The following CNTN3 variants were observed in gnomAD, a reference collection of about 807,000 sequenced individuals.
CNTN3 encodes contactin 3, also known as contactin-3.
A neutral mutation model predicts 119.1 loss-of-function variants in CNTN3; 60 were observed. That is an observed-to-expected ratio of 0.50 (90% CI 0.41 to 0.62). The LOEUF (loss-of-function observed/expected upper bound fraction) is 0.62. Ranked by LOEUF, CNTN3 falls within the 20% of genes least tolerant of loss-of-function variation. CNTN3 has a pLI of 0.00. For synonymous variants in CNTN3, 450 were observed against 438.7 expected (o/e 1.03, Z -0.32); for missense variants, 1,101 against 1,242.4 (o/e 0.89, Z 1.71).
chr3:74,496,729 G>A (rs9876789), intron 3 of CNTN3, among the ~76,000 whole-genome samples: 17,519 of 152,068 alleles, frequency 0.12, 1,290 homozygotes, highest in East Asian at 0.25. Flanking sequence ...ACTATCAGCA[G>A]TTACAATGAG....
intron 5 of CNTN3, among the ~76,000 whole-genome samples, chr3:74,387,499 C>A (rs995252271): frequency 2.0e-5 from 3 of 152,178 alleles, no homozygotes; most frequent in Non-Finnish European, 4.4e-5. Context: ...AGCATGTTTT[C>A]TGCTAAATTA....
At chr3:74,352,552 G>T (rs555692047) in intron 11 of CNTN3, among the ~76,000 whole-genome samples, 5 of 152,258 alleles carry the variant, frequency 3.3e-5, no homozygotes, top group Non-Finnish European at 7.3e-5. Flanking sequence ...TGTAATTGAT[G>T]GTTTAGTTAT....
At chr3:74,557,455 G>A (rs189734730) in intron 1 of CNTN3, among the ~76,000 whole-genome samples, 408 of 152,162 alleles carry the variant, frequency 2.7e-3, no homozygotes, top group Non-Finnish European at 2.4e-3. Flanking sequence ...CCAGGACATC[G>A]TACACACCCT....
At chr3:74,413,502 T>C (rs1701471369) in intron 5 of CNTN3, among the ~76,000 whole-genome samples, 1 of 152,216 alleles carries the variant, frequency 6.6e-6, no homozygotes, top group South Asian at 2.1e-4. Context: ...GGGAAATGCA[T>C]GTGCCAAATC....
intron 2 of CNTN3, among the ~76,000 whole-genome samples, chr3:74,517,412 T>C (rs894456071): frequency 1.3e-5 from 2 of 151,924 alleles, no homozygotes; most frequent in Admixed American, 6.6e-5. Flanking sequence ...TTGGCTTTAC[T>C]GCACCAGGAA....
At chr3:74,346,157 AAAGTAT>A (rs1299297056) in intron 11 of CNTN3, among the ~76,000 whole-genome samples, 4 of 152,218 alleles carry the variant, frequency 2.6e-5, no homozygotes, top group African/African-American at 9.6e-5. Context: ...TAAATACAAT[AAAGTAT>A]AAGTTTATAA....
chr3:74,367,957 G>T (rs1200067844), intron 8 of CNTN3, among the ~76,000 whole-genome samples: 1 of 152,022 alleles, frequency 6.6e-6, no homozygotes, highest in Admixed American at 6.6e-5. Flanking sequence ...TGGGGCCTTA[G>T]AGCTGGACAG....
intron 20 of CNTN3, among the ~76,000 whole-genome samples, chr3:74,268,987 C>T (rs1332597922): frequency 2.8e-5 from 4 of 142,084 alleles, no homozygotes; most frequent in African/African-American, 1.0e-4. Flanking sequence ...TTGTATGAGT[C>T]ACAACATACG....
intron 4 of CNTN3, among the ~76,000 whole-genome samples, chr3:74,464,164 T>C (rs2106982070): frequency 6.6e-6 from 1 of 152,298 alleles, no homozygotes; most frequent in South Asian, 2.1e-4. Context: ...AGAGTTGTTA[T>C]AAGGATACAA....
chr3:74,530,033 T>A (rs532825946), intron 1 of CNTN3, among the ~76,000 whole-genome samples: 1 of 152,136 alleles, frequency 6.6e-6, no homozygotes, highest in East Asian at 1.9e-4. Flanking sequence ...CACCTCATAA[T>A]CATGGAAGGA....
At chr3:74,295,951 T>G (rs1043997186) in intron 18 of CNTN3, among the ~76,000 whole-genome samples, 2 of 152,132 alleles carry the variant, frequency 1.3e-5, no homozygotes, top group Admixed American at 6.5e-5. Context: ...GGTCTAAGGC[T>G]GGGCCCCTTA....
intron 2 of CNTN3, among the ~76,000 whole-genome samples, chr3:74,500,221 T>C (rs1291330417): frequency 6.6e-6 from 1 of 152,068 alleles, no homozygotes; most frequent in Non-Finnish European, 1.5e-5. Flanking sequence ...GTTATTTTTC[T>C]AGTTGGAATA....
chr3:74,552,030 T>C lies in CNTN3; in HGVS notation c.-80-30838A>G, dbSNP rs188210786. On this transcript the variant is annotated intron_variant, in intron 1 of 22. Transcript: ENST00000263665. ...CCACCCACCTCGGCCTCCCAAAGTG[T>C]TGGCATTACAGGTGTGAGCCACTGC... Among the ~76,000 whole-genome samples, 477 of 152,168 alleles carry C rather than the reference T, an allele frequency of 3.1e-3. 3 individuals are homozygous for C. The highest frequency in any genetic ancestry group is 4.9e-3 in the Non-Finnish European group (333 of 67,998).
intron 4 of CNTN3, among the ~76,000 whole-genome samples, chr3:74,454,569 T>C (rs983960999): frequency 1.3e-5 from 2 of 152,078 alleles, no homozygotes; most frequent in Admixed American, 6.6e-5. Context: ...GTTAGCTGGT[T>C]ATTTTGCTCG....
At chr3:74,570,396 T>C (rs1399481871) in intron 1 of CNTN3, among the ~76,000 whole-genome samples, 1 of 152,042 alleles carries the variant, frequency 6.6e-6, no homozygotes, top group Non-Finnish European at 1.5e-5. Context: ...TCTGTTCATG[T>C]AGAGAATTCT....
At chr3:74,324,620 T>C (rs1263830622) in intron 13 of CNTN3, among the ~76,000 whole-genome samples, 3 of 152,160 alleles carry the variant, frequency 2.0e-5, no homozygotes, top group African/African-American at 4.8e-5. Context: ...TCTCCCAGAG[T>C]CATAACTTCT....
intron 5 of CNTN3, among the ~76,000 whole-genome samples, chr3:74,392,614 T>C (rs1704942348): frequency 6.6e-6 from 1 of 152,136 alleles, no homozygotes; most frequent in Non-Finnish European, 1.5e-5. Flanking sequence ...GCATACACGT[T>C]AGAGGAGTTC....
intron 6 of CNTN3, 135 bp downstream of exon 6, chr3:74,371,061 C>T (rs771423109): frequency 3.1e-6 from 2 of 643,774 alleles, no homozygotes; most frequent in Non-Finnish European, 2.8e-6. Flanking sequence ...TGTCATTGTA[C>T]TCATAAAATA....
intron 11 of CNTN3, among the ~76,000 whole-genome samples, chr3:74,342,938 CACAA>C (rs906325695): frequency 4.6e-5 from 7 of 152,112 alleles, no homozygotes; most frequent in Admixed American, 3.9e-4. Context: ...GAAGTAGTAA[CACAA>C]ACAAAGGAAA....
Sources: gnomAD v4.1 joint callset for allele counts (sites outside exome capture counted in the v4.1 genomes callset) on GRCh38, gnomAD v4.1.1 for gene constraint, MANE v1.5 for transcripts, NCBI Gene and HGNC (gene_info 2026-07-23, HGNC 2026-07-21) for gene names.